CSMD1: variants seen among roughly 807,000 people sequenced by gnomAD.
CSMD1 encodes the protein CUB and sushi domain-containing protein 1.
Under a neutral mutation model 417.5 loss-of-function variants are expected in CSMD1, and 213 were observed. The ratio of observed to expected loss-of-function variants is 0.51; its 90% CI spans 0.46 to 0.57. The LOEUF is 0.57. CSMD1 is among the 20% of genes least tolerant of loss of function. The pLI, the probability that CSMD1 is intolerant of heterozygous loss-of-function variation, is 0.00. For synonymous variants in CSMD1, 2,862 were observed against 1,736.8 expected (o/e 1.65, Z -16.11); for missense variants, 6,923 against 4,529.7 (o/e 1.53, Z -15.17).
chr8:4,818,267 G>A (rs1266746905), intron 1 of CSMD1, among the ~76,000 whole-genome samples: 1 of 152,008 alleles, frequency 6.6e-6, no homozygotes, highest in Non-Finnish European at 1.5e-5. Flanking sequence ...TTTCTCGTAG[G>A]TCACCCCGAT....
chr8:4,788,144 T>C, intron 1 of CSMD1: 2 of 1,601,156 alleles, frequency 1.2e-6, no homozygotes, highest in South Asian at 2.2e-5. Flanking sequence ...CTTCTGATCT[T>C]GGTCACTGTG....
chr8:3,917,477 G>C (rs914327707), intron 5 of CSMD1, among the ~76,000 whole-genome samples: 1 of 151,960 alleles, frequency 6.6e-6, no homozygotes, highest in African/African-American at 2.4e-5. Flanking sequence ...TGCTACTATG[G>C]CTGAAAGTTT....
At chr8:4,367,351 C>G (rs35052360) in intron 3 of CSMD1, among the ~76,000 whole-genome samples, 32,177 of 152,020 alleles carry the variant, frequency 0.21, 3,602 homozygotes, top group Middle Eastern at 0.28. Context: ...TCAACTTTGT[C>G]AAAGATCACG....
At chr8:4,243,845 G>A (rs1585086106) in intron 3 of CSMD1, among the ~76,000 whole-genome samples, 1 of 152,172 alleles carries the variant, frequency 6.6e-6, no homozygotes, top group Non-Finnish European at 1.5e-5. Context: ...AGAAAACAGA[G>A]TAGGGACTGT....
chr8:4,040,405 G>C (rs943383206), intron 3 of CSMD1, among the ~76,000 whole-genome samples: 1 of 152,296 alleles, frequency 6.6e-6, no homozygotes. Flanking sequence ...GGGAGATCAA[G>C]TAATTTCCAG....
intron 3 of CSMD1, among the ~76,000 whole-genome samples, chr8:4,063,985 A>T (rs183066536): frequency 5.4e-4 from 83 of 152,298 alleles, no homozygotes; most frequent in African/African-American, 1.8e-3. Context: ...TGTGTTGGGA[A>T]AATGGGGAAA....
intron 3 of CSMD1, among the ~76,000 whole-genome samples, chr8:4,113,316 A>C (rs548950119): frequency 6.6e-6 from 1 of 152,224 alleles, no homozygotes; most frequent in African/African-American, 2.4e-5. Flanking sequence ...GACATGTCAA[A>C]AAAACTAGGC....
chr8:3,649,394 T>A (rs1436116986), intron 7 of CSMD1, among the ~76,000 whole-genome samples: 1 of 152,188 alleles, frequency 6.6e-6, no homozygotes, highest in Non-Finnish European at 1.5e-5. Flanking sequence ...CTGTATTAGT[T>A]CGTTTTCACA....
At chr8:4,914,685 A>T (rs775661959) in intron 1 of CSMD1, among the ~76,000 whole-genome samples, 3 of 152,178 alleles carry the variant, frequency 2.0e-5, no homozygotes, top group Non-Finnish European at 4.4e-5. Flanking sequence ...ATCCGTGAAA[A>T]TGAACTCGGA....
At chr8:4,350,543 C>T (rs1250012338) in intron 3 of CSMD1, among the ~76,000 whole-genome samples, 2 of 152,176 alleles carry the variant, frequency 1.3e-5, no homozygotes, top group African/African-American at 4.8e-5. Context: ...GGAATGGAGG[C>T]TAATGTCCTG....
At chr8:3,708,377 G>T in intron 7 of CSMD1, 37 bp downstream of exon 7, 2 of 1,553,178 alleles carry the variant, frequency 1.3e-6, no homozygotes, top group African/African-American at 1.4e-5. Flanking sequence ...GCTTACAAGG[G>T]CGTATCAATC....
At chr8:4,953,052 C>G (rs541654742) in intron 1 of CSMD1, among the ~76,000 whole-genome samples, 62 of 88,056 alleles carry the variant, frequency 7.0e-4, no homozygotes, top group Non-Finnish European at 1.2e-3. Flanking sequence ...AATACGTGAG[C>G]AGATGTTAAG....
intron 1 of CSMD1, among the ~76,000 whole-genome samples, chr8:4,884,848 T>A (rs6986027): frequency 1.3e-5 from 2 of 151,820 alleles, no homozygotes; most frequent in Admixed American, 6.6e-5. Context: ...GTATTTGGGG[T>A]TCTCTTGAAT....
chr8:4,662,383 A>G (rs1028061059), intron 1 of CSMD1, among the ~76,000 whole-genome samples: 1 of 152,160 alleles, frequency 6.6e-6, no homozygotes, highest in African/African-American at 2.4e-5. Context: ...GAAATTGCTG[A>G]GGAAAAGGCA....
chr8:2,964,019 G>A (rs546123020), intron 59 of CSMD1, among the ~76,000 whole-genome samples: 9 of 152,144 alleles, frequency 5.9e-5, no homozygotes, highest in East Asian at 1.9e-4. Context: ...GTGATGTCAC[G>A]AGAGATCACC....
At position 3,768,604 on chromosome 8, in the gene CSMD1, T is replaced by TA. The variant is rs1167455652; in HGVS notation, c.819-14563dup. Among the ~76,000 whole-genome samples the TA allele has an allele frequency of 2.0e-5, 3 of 152,172 alleles. No homozygotes were observed. The South Asian group carries it at 6.2e-4, about 32-fold the overall frequency. ...TTAAGTTCAACACAGAGTGTAACAT[T>TA]AAATAGAAGCAGGAATTGACCATAT... On this transcript the variant is annotated intron_variant, in intron 5 of 69. Transcript: ENST00000635120.
intron 68 of CSMD1, among the ~76,000 whole-genome samples, chr8:2,948,114 G>C (rs1192107639): frequency 6.6e-6 from 1 of 152,044 alleles, no homozygotes; most frequent in Non-Finnish European, 1.5e-5. Flanking sequence ...AATACTGTGT[G>C]AATAGTATTC....
intron 3 of CSMD1, among the ~76,000 whole-genome samples, chr8:4,104,627 G>C (rs1585321451): frequency 6.6e-6 from 1 of 152,244 alleles, no homozygotes; most frequent in African/African-American, 2.4e-5. Flanking sequence ...TCTGGAATGA[G>C]GCTAGTTTGT....
At chr8:4,074,822 C>A (rs1384531503) in intron 3 of CSMD1, among the ~76,000 whole-genome samples, 1 of 151,946 alleles carries the variant, frequency 6.6e-6, no homozygotes, top group South Asian at 2.1e-4. Flanking sequence ...TCCATGATGC[C>A]TTTTTCTTGG....
Sources: allele counts gnomAD v4.1 joint callset (sites outside exome capture counted in the v4.1 genomes callset), GRCh38; gene constraint gnomAD v4.1.1; transcripts MANE v1.5; gene names NCBI Gene and HGNC (gene_info 2026-07-23, HGNC 2026-07-21).